CTSB: variants seen among roughly 807,000 people sequenced by gnomAD.
The protein encoded by CTSB is cathepsin B.
Under a neutral mutation model 44.3 loss-of-function variants are expected in CTSB, and 57 were observed. The ratio of observed to expected loss-of-function variants is 1.29; its 90% CI spans 1.04 to 1.60. The LOEUF is 1.60. CTSB is among the 40% of genes most tolerant of loss of function. CTSB has a pLI of 0.00. For missense variants in CTSB, 768 were observed against 443.0 expected, an observed-to-expected ratio of 1.73 and a Z score of -6.59; for synonymous variants, 320 against 168.0, an observed-to-expected ratio of 1.91 and a Z score of -7.00.
chr8:11,850,168 C>G (rs780740792), intron 4 of CTSB: 2 of 152,132 alleles, frequency 1.3e-5, no homozygotes, highest in Admixed American at 1.3e-4. Flanking sequence ...CGCCTGTAAT[C>G]CCAGCATTTT....
At position 11,844,361 on chromosome 8, in the gene CTSB, A is replaced by T. The variant is rs1812829978; in HGVS notation, c.*764T>A. 2 of 150,496 alleles carry T rather than the reference A, an allele frequency of 1.3e-5. No individual in the cohort carries two copies. Among genetic ancestry groups the T allele is most frequent in the East Asian group, 4.1e-4 (2 of 4,886 alleles). 9.3% of individuals were successfully genotyped at this position (150,496 alleles called of 1,614,324 possible). A position where few individuals can be genotyped will look rare whatever the true frequency, so the allele number is the denominator to read the frequency against. ...TTTATTGGCACAGGCATTCCTTGTT[A>T]ACTTGACAGGGTGAAGCTGTAATTT... is the stretch of plus-strand genomic sequence containing the variant. On this transcript the variant is annotated 3_prime_UTR_variant, in exon 10 of 10. Coordinates refer to ENST00000353047, the MANE Select transcript of CTSB (RefSeq NM_001908.5).
Position 11,845,146 on chromosome 8 carries a change from A to T in CTSB, c.999T>A (p.Asp333Glu). The change falls in exon 10 of 10, where the codon GAT becomes GAA. Residue 333 changes from aspartate to glutamate, a missense_variant. Transcript: ENST00000353047. ...CAGATTAGATCTTTTCCCAGTACTG[A>T]TCGGTGCGTGGAATTCCAGCCACCA... ...SEVVAGIPRT[D>E]QYWEKI 6.2e-7 allele frequency: 1 copy of T among 1,613,668 alleles called. No individual in the cohort carries two copies. The highest frequency in any genetic ancestry group is 8.5e-7 in the Non-Finnish European group (1 of 1,179,594).
intron 1 of CTSB, among the ~76,000 whole-genome samples, chr8:11,866,940 G>A (rs1817239218): frequency 6.6e-6 from 1 of 152,184 alleles, no homozygotes; most frequent in African/African-American, 2.4e-5. Flanking sequence ...CCGGCAGCAG[G>A]CAGTGGGAAT....
intron 1 of CTSB, among the ~76,000 whole-genome samples, chr8:11,856,102 T>A (rs953255143): frequency 6.6e-6 from 1 of 152,118 alleles, no homozygotes; most frequent in Admixed American, 6.6e-5. Context: ...ATTCAGCATG[T>A]ATCAGATTGG....
In CTSB at chr8:11,845,072, G is replaced by A. The variant is rs1813003915; in HGVS notation, c.*53C>T. ...CTTACGTGAACTTAAAGAATAAAAT[G>A]CATTTCTACCCCGATCTCGCCCCCA... is the stretch of plus-strand genomic sequence containing the variant. On this transcript the variant is annotated 3_prime_UTR_variant, in exon 10 of 10. Transcript: ENST00000353047. 3 of 1,179,496 alleles carry A rather than the reference G, an allele frequency of 2.5e-6. No homozygotes were observed. The highest frequency in any genetic ancestry group is 1.5e-5 in the African/African-American group (1 of 66,470). The allele number at this position is 1,179,496 out of a possible 1,614,324, so 73.1% of individuals were successfully genotyped here. A position where few individuals can be genotyped will look rare whatever the true frequency, so the allele number is the denominator to read the frequency against.
chr8:11,852,494 C>A, intron 3 of CTSB, 116 bp downstream of exon 3: 1 of 651,844 alleles, frequency 1.5e-6, no homozygotes, highest in Non-Finnish European at 2.6e-6. Flanking sequence ...GTGTCGGCAG[C>A]CCTGGGCAGC....
chr8:11,863,662 A>C (rs1024241430), intron 1 of CTSB, among the ~76,000 whole-genome samples: 1 of 152,238 alleles, frequency 6.6e-6, no homozygotes, highest in Non-Finnish European at 1.5e-5. Flanking sequence ...AACACTAGGC[A>C]TAAGTGGGTT....
At position 11,859,241 on chromosome 8, in the gene CTSB, A is replaced by G. The variant is rs559704905; in HGVS notation, c.-25-5762T>C. On this transcript the variant is annotated intron_variant, in intron 1 of 9. Transcript: ENST00000353047. ...GCTCTGTAGAACGTTGTTATGTGCC[A>G]AAAAGAGTGTGCGGCCAGGCGACTC... Among the ~76,000 whole-genome samples the G allele has an allele frequency of 2.7e-3, 414 of 152,312 alleles. 3 individuals carry two copies. Among genetic ancestry groups the G allele is most frequent in the African/African-American group, 9.6e-3 (399 of 41,566 alleles).
At position 11,847,512 on chromosome 8, in the gene CTSB, G is replaced by C. The variant is rs115274513; in HGVS notation, c.676+167C>G. Among the ~76,000 whole-genome samples the C allele has an allele frequency of 2.5e-3, 376 of 152,262 alleles. 2 individuals are homozygous for C. The highest frequency in any genetic ancestry group is 8.5e-3 in the African/African-American group (353 of 41,554). On this transcript the variant is annotated intron_variant, in intron 7 of 9. Transcript: ENST00000353047. Reference sequence around the variant, plus strand: ...TTCAGGGTGGAACAGGCAGAAAGTGGAGAGTGTGCTGCTTCTCCTGGCAAG... The same window carrying C: ...TTCAGGGTGGAACAGGCAGAAAGTGCAGAGTGTGCTGCTTCTCCTGGCAAG...
At chr8:11,861,263 C>G (rs1402663375) in intron 1 of CTSB, 1 of 152,446 alleles carries the variant, frequency 6.6e-6, no homozygotes, top group African/African-American at 2.4e-5. Flanking sequence ...AAAACCCACC[C>G]AGCACACAGG....
chr8:11,847,591 A>T, intron 7 of CTSB, 88 bp downstream of exon 7: 1 of 1,421,064 alleles, frequency 7.0e-7, no homozygotes, highest in African/African-American at 1.4e-5. Flanking sequence ...AAGGCTCCTC[A>T]GCCCTGACCT....
In CTSB at chr8:11,845,033, T is replaced by C. The variant is rs8898; in HGVS notation, c.*92A>G. ...GGCCAATCCAGTCCTTCAGACCCTGTCTGAAACTTGTATCTTACGTGAACT... is the reference window on the plus strand; with the variant it reads ...GGCCAATCCAGTCCTTCAGACCCTGCCTGAAACTTGTATCTTACGTGAACT... On this transcript the variant is annotated 3_prime_UTR_variant, in exon 10 of 10. Coordinates refer to ENST00000353047, the MANE Select transcript of CTSB (RefSeq NM_001908.5). 336,461 of 874,710 alleles carry C rather than the reference T, an allele frequency of 0.38. 66,822 individuals are homozygous for C. Among genetic ancestry groups the C allele is most frequent in the East Asian group, 0.54 (20,795 of 38,522 alleles). The allele number at this position is 874,710 out of a possible 1,614,324, so 54.2% of individuals were successfully genotyped here.
At chr8:11,863,711 G>C (rs1260920335) in intron 1 of CTSB, among the ~76,000 whole-genome samples, 2 of 152,084 alleles carry the variant, frequency 1.3e-5, no homozygotes, top group Admixed American at 6.6e-5. Flanking sequence ...TGAATTTCTG[G>C]TCATGAAATT....
intron 2 of CTSB, among the ~76,000 whole-genome samples, chr8:11,853,076 C>G (rs933690515): frequency 1.3e-5 from 2 of 152,104 alleles, no homozygotes; most frequent in Non-Finnish European, 1.5e-5. Flanking sequence ...CTCACTTACT[C>G]CCCCACACAC....
intron 4 of CTSB, chr8:11,850,088 G>A (rs1282549390): frequency 6.6e-6 from 1 of 152,202 alleles, no homozygotes; most frequent in Non-Finnish European, 1.5e-5. Flanking sequence ...TGGTGGCTGA[G>A]CAACACTGTG....
At chr8:11,855,676 G>A (rs771598129) in intron 1 of CTSB, among the ~76,000 whole-genome samples, 1 of 152,088 alleles carries the variant, frequency 6.6e-6, no homozygotes, top group East Asian at 1.9e-4. Flanking sequence ...TTCAAAGTCA[G>A]AAAAATGGAA....
rs144593312 is a variant in CTSB at position 11,853,390 on chromosome 8, G to A, written c.65C>T (p.Ser22Phe). 45 of 1,612,970 alleles carry A rather than the reference G, an allele frequency of 2.8e-5. No homozygotes were observed. Among genetic ancestry groups the A allele is most frequent in the Non-Finnish European group, 3.5e-5 (41 of 1,179,760 alleles). ...CAGCTCATCCGACAGGGGATGGAAA[G>A]AGGGCCTGCTCCGGGCATTGGCCAA... Reference protein sequence around the residue: ...LVLANARSRPSFHPLSDELVN... With the variant: ...LVLANARSRPFFHPLSDELVN... Residue 22 changes from serine to phenylalanine, a missense_variant, in exon 2 of 10, where the codon TCT becomes TTT. Coordinates refer to ENST00000353047, the MANE Select transcript of CTSB (RefSeq NM_001908.5).
rs1407009377 is a variant in CTSB, at chr8:11,847,822, CCT to C, written c.533-2_533-1del. The C allele has an allele frequency of 1.3e-6, 2 of 1,589,552 alleles. No homozygotes were observed. Among genetic ancestry groups the C allele is most frequent in the African/African-American group, 2.7e-5 (2 of 73,148 alleles). On this transcript the variant is annotated splice_acceptor_variant, in intron 6 of 9. Transcript: ENST00000353047. LOFTEE classifies it high-confidence loss of function. Reference sequence around the variant, plus strand: ...GGGAGGGATGGAGTACGGTCTGCACCCTGATGGGACGCGGGAGAAAGCGGAGT... The same window carrying C: ...GGGAGGGATGGAGTACGGTCTGCACCGATGGGACGCGGGAGAAAGCGGAGT...
chr8:11,858,825 C>G (rs185960704), intron 1 of CTSB, among the ~76,000 whole-genome samples: 1 of 152,320 alleles, frequency 6.6e-6, no homozygotes, highest in Non-Finnish European at 1.5e-5. Context: ...CTGTTAACAG[C>G]TTTCCAGGGT....
Sources: allele counts gnomAD v4.1 joint callset (sites outside exome capture counted in the v4.1 genomes callset), GRCh38; gene constraint gnomAD v4.1.1; transcripts MANE v1.5; gene names NCBI Gene and HGNC (gene_info 2026-07-23, HGNC 2026-07-21).